Variants in LTK observed in about 807,000 individuals in gnomAD.
LTK encodes leukocyte tyrosine kinase receptor.
LTK carries 117 observed loss-of-function variants against 101.5 expected under a neutral mutation model. The observed-to-expected ratio is 1.15, with a 90% CI of 0.99 to 1.34. The LOEUF is 1.34. Among genes scored for constraint, LTK ranks in the 40% most tolerant of loss-of-function variants. The pLI is 0.00. For missense variants in LTK, 1,252 were observed against 1,164.7 expected, an observed-to-expected ratio of 1.07 and a Z score of -1.09; for synonymous variants, 563 against 494.2, an observed-to-expected ratio of 1.14 and a Z score of -1.85.
Position 41,505,961 on chromosome 15 carries a change from A to G in LTK, c.1586T>C (p.Val529Ala), listed in dbSNP as rs2051266884. The G allele has an allele frequency of 1.2e-6, 2 of 1,613,938 alleles. No individual in the cohort carries two copies. The highest frequency in any genetic ancestry group is 2.7e-5 in the African/African-American group (2 of 74,998). ...GAFGEVYEGLVIGLPGDSSPL... is the reference protein window; with the variant it reads ...GAFGEVYEGLAIGLPGDSSPL... ...ACTGGAGTCCCCAGGAAGGCCAATT[A>G]CCAGTCCCTCATACACCTCCCCAAA... Residue 529 changes from valine (V) to alanine (A), a missense_variant, in exon 12 of 20, where the codon GTA becomes GCA. Transcript: ENST00000263800.
intron 13 of LTK, 52 bp from the exon 14 acceptor site, chr15:41,505,582 G>C (rs754347299): frequency 1.9e-6 from 3 of 1,611,638 alleles, no homozygotes; most frequent in Non-Finnish European, 2.5e-6. Flanking sequence ...CGGAAACCAT[G>C]TTTTAGGCTC....
rs2051544301 is a variant in LTK at position 41,513,046 on chromosome 15, TG to T, written c.117del (p.Ser40AlafsTer20). 2 of 1,612,286 alleles carry T rather than the reference TG, an allele frequency of 1.2e-6. No homozygotes were observed. The highest frequency in any genetic ancestry group is 1.7e-5 in the Admixed American group (1 of 59,536). On this transcript the variant is annotated frameshift_variant, in exon 2 of 20. Coordinates refer to ENST00000263800, the MANE Select transcript of LTK (RefSeq NM_002344.6). LOFTEE classifies it high-confidence loss of function. ...LRSSPLPLAS[P>X]SPRDPKVSAP... is the part of the protein sequence containing the mutation. Reference sequence around the variant, plus strand: ...GCGCTGACTTTCGGGTCCCGGGGGCTGGGACTTGCCAGCGGCAGGGGCGAGG... The same window carrying T: ...GCGCTGACTTTCGGGTCCCGGGGGCTGGACTTGCCAGCGGCAGGGGCGAGG...
Position 41,511,548 on chromosome 15 carries a change from C to A in LTK, c.688G>T (p.Val230Leu), listed in dbSNP as rs763240411. Residue 230 changes from valine to leucine, a missense_variant, in exon 6 of 20, where the codon GTG (valine) becomes TTG (leucine). By Grantham distance (32) the Val-to-Leu change is conservative. Coordinates refer to ENST00000263800, the MANE Select transcript of LTK (RefSeq NM_002344.6). This position sits in a 1 kb window ranked among gnomAD's most constrained non-coding sequence, Gnocchi z 5.9. ...VRAGELEPLL[V>L]AAGGGGRAYL... The stretch of plus-strand genomic sequence containing the variant: ...GCCCGACCGCCGCCTCCGGCCGCCA[C>A]CAGCAACGGTTCCAGCTCGCCAGCG... The A allele has an allele frequency of 2.1e-6, 3 of 1,456,820 alleles. No individual in the cohort carries two copies. The South Asian group carries it at 4.3e-5, about 21-fold the overall frequency. The allele number at this position is 1,456,820 out of a possible 1,614,324, so 90.2% of individuals were successfully genotyped here.
intron 8 of LTK, among the ~76,000 whole-genome samples, chr15:41,508,556 C>G (rs2051358594): frequency 7.5e-6 from 1 of 132,664 alleles, no homozygotes; most frequent in Non-Finnish European, 1.6e-5. Flanking sequence ...GACTCTGTCT[C>G]AAAAATAAAA....
chr15:41,511,177 G>GCCGCCTCCGCCCGCAGTGCAGGCC lies in LTK; in HGVS notation c.960_983dup (p.Ala321_Gly328dup). On this transcript the variant is annotated inframe_insertion, in exon 7 of 20. Transcript: ENST00000263800. This position sits in a 1 kb window ranked among gnomAD's most constrained non-coding sequence, Gnocchi z 5.9. ...CGGTGCACCTACCCCTGTAGCCGCC[G>GCCGCCTCCGCCCGCAGTGCAGGCC]CCGCCTCCGCCCGCAGTGCAGGCCC... The GCCGCCTCCGCCCGCAGTGCAGGCC allele has an allele frequency of 7.1e-7, 1 of 1,402,712 alleles. No homozygotes were observed. Among genetic ancestry groups the GCCGCCTCCGCCCGCAGTGCAGGCC allele is most frequent in the South Asian group, 1.6e-5 (1 of 61,076 alleles). The allele number at this position is 1,402,712 out of a possible 1,614,324, so 86.9% of individuals were successfully genotyped here. A position where few individuals can be genotyped will look rare whatever the true frequency, so the allele number is the denominator to read the frequency against.
At position 41,511,431 on chromosome 15, in the gene LTK, C is replaced by A. The variant is rs972591778; in HGVS notation, c.805G>T (p.Gly269Trp). 7.2e-6 allele frequency: 10 copies of A among 1,392,640 alleles called. No homozygotes were observed. The highest frequency in any genetic ancestry group is 4.8e-5 in the South Asian group (3 of 61,856). 86.3% of individuals were successfully genotyped at this position (1,392,640 alleles called of 1,614,324 possible). The change falls in exon 6 of 20, where the codon GGG (glycine) becomes TGG (tryptophan). Residue 269 changes from glycine (G) to tryptophan (W), a missense_variant. Coordinates refer to ENST00000263800, the MANE Select transcript of LTK (RefSeq NM_002344.6). This position sits in a 1 kb window ranked among gnomAD's most constrained non-coding sequence, Gnocchi z 5.9. ...CGGCCCGCGCCCTCACCTGCCGCCC[C>A]GCCTCTCCCGCCGCTCCCGGGCGCC... ...SEAPGSGGRG[G>W]AAGGGGGWTS...
intron 7 of LTK, among the ~76,000 whole-genome samples, 154 bp from the exon 8 acceptor site, chr15:41,509,283 A>C (rs1262387827): frequency 6.6e-6 from 1 of 152,028 alleles, no homozygotes; most frequent in Non-Finnish European, 1.5e-5. Flanking sequence ...GGAGGTGAGG[A>C]GGGGGTAATC....
chr15:41,513,563 G>A (rs1472936180), intron 1 of LTK, 104 bp downstream of exon 1: 8 of 1,056,448 alleles, frequency 7.6e-6, no homozygotes, highest in Non-Finnish European at 1.2e-5. Flanking sequence ...GAGAGTTCGA[G>A]GCCTCTGGAG....
intron 17 of LTK, 24 bp downstream of exon 17, chr15:41,504,749 A>G (rs1262010942): frequency 6.3e-7 from 1 of 1,599,668 alleles, no homozygotes; most frequent in Admixed American, 1.7e-5. Flanking sequence ...ACAGTGGGGA[A>G]GGGGAGGGGA....
At position 41,507,616 on chromosome 15, in the gene LTK, C is replaced by T. The variant is rs1404998292; in HGVS notation, c.1291G>A (p.Val431Met). 2.5e-6 allele frequency: 4 copies of T among 1,614,004 alleles called. No individual in the cohort carries two copies. Among genetic ancestry groups the T allele is most frequent in the Middle Eastern group, 1.7e-4 (1 of 6,060 alleles). ...AGGCTCAGTGTTGAGGTTGCCACCA[C>T]AGCCACCATCAGAACCAGAGGGCCT... ...PPGPLVLMVA[V>M]VATSTLSLLM... The change falls in exon 10 of 20, where the codon GTG becomes ATG. Residue 431 changes from valine to methionine, a missense_variant. Coordinates refer to ENST00000263800, the MANE Select transcript of LTK (RefSeq NM_002344.6).
At position 41,503,970 on chromosome 15, in the gene LTK, T is replaced by G; in HGVS notation, c.*26A>C. ...TAGGGAGGGACCCTCAGTGCCTCAGTCCTTACCCTCAGGGCCCCTTGGGGC... is the reference window on the plus strand; with the variant it reads ...TAGGGAGGGACCCTCAGTGCCTCAGGCCTTACCCTCAGGGCCCCTTGGGGC... On this transcript the variant is annotated 3_prime_UTR_variant, in exon 20 of 20. Coordinates refer to ENST00000263800, the MANE Select transcript of LTK (RefSeq NM_002344.6). 2 of 1,571,100 alleles carry G rather than the reference T, an allele frequency of 1.3e-6. No homozygotes were observed. Among genetic ancestry groups the G allele is most frequent in the Non-Finnish European group, 8.6e-7 (1 of 1,160,794 alleles).
chr15:41,503,889 G>T lies in LTK; in HGVS notation c.*107C>A. ...GAGACAGGCCCAGACACACAGCACA[G>T]ACTGCAGGGAACAGAGGCCGCTGGC... is the stretch of plus-strand genomic sequence containing the variant. On this transcript the variant is annotated 3_prime_UTR_variant, in exon 20 of 20. Transcript: ENST00000263800. 7.8e-7 allele frequency: 1 copy of T among 1,287,586 alleles called. No homozygotes were observed. Among genetic ancestry groups the T allele is most frequent in the Non-Finnish European group, 1.1e-6 (1 of 949,918 alleles). 79.8% of individuals were successfully genotyped at this position (1,287,586 alleles called of 1,614,324 possible).
Position 41,504,207 on chromosome 15 carries a change from A to G in LTK, c.2384T>C (p.Leu795Pro). The G allele has an allele frequency of 6.2e-7, 1 of 1,612,148 alleles. No homozygotes were observed. The highest frequency in any genetic ancestry group is 1.1e-5 in the South Asian group (1 of 91,000). ...DVLNSLLPME[L>P]GPTPEEEGTS... ...CCCTTCCTCCTCTGGGGTGGGCCCC[A>G]GCTCCATTGGCAGGAGTGAATTCAG... is the stretch of plus-strand genomic sequence containing the variant. Residue 795 changes from leucine (L) to proline (P), a missense_variant, in exon 20 of 20, where the codon CTG (leucine) becomes CCG (proline). Transcript: ENST00000263800.
chr15:41,513,157 C>A, intron 1 of LTK, 37 bp from the exon 2 acceptor site: 2 of 1,546,344 alleles, frequency 1.3e-6, no homozygotes, highest in Non-Finnish European at 1.7e-6. Flanking sequence ...GACGTTAAGG[C>A]GGGTGGAAAT....
At chr15:41,505,133 A>G in intron 15 of LTK, 69 bp from the exon 16 acceptor site, 2 of 1,586,372 alleles carry the variant, frequency 1.3e-6, no homozygotes, top group Admixed American at 3.4e-5. Flanking sequence ...CTATTTCCTT[A>G]AAAGCTGTGT....
At chr15:41,507,423 T>A in intron 10 of LTK, 133 bp from the exon 11 acceptor site, 1 of 1,525,188 alleles carries the variant, frequency 6.6e-7, no homozygotes, top group Admixed American at 2.0e-5. Context: ...CCTTCCTATC[T>A]TAGAATCCCA....
rs1469901329 is a variant in LTK, at chr15:41,505,019, G to T, written c.1971C>A (p.Ser657Arg). ...CAAAGTCCCCAATCTTGGCCACTCG[G>T]CTGGGTCCAGCGCAGCTCAGCAGGC... ...RNCLLSCAGP[S>R]RVAKIGDFGM... The change falls in exon 16 of 20, where the codon AGC becomes AGA. Residue 657 changes from serine (S) to arginine (R), a missense_variant. By Grantham distance (110) the Ser-to-Arg change is moderately radical. Coordinates refer to ENST00000263800, the MANE Select transcript of LTK (RefSeq NM_002344.6). 2 of 1,613,516 alleles carry T rather than the reference G, an allele frequency of 1.2e-6. No homozygotes were observed. The highest frequency in any genetic ancestry group is 4.5e-5 in the East Asian group (2 of 44,876).
chr15:41,505,010 G>C lies in LTK; in HGVS notation c.1980C>G (p.Ala660=). 1 of 1,613,466 alleles carries C rather than the reference G, an allele frequency of 6.2e-7. No individual in the cohort carries two copies. Among genetic ancestry groups the C allele is most frequent in the South Asian group, 1.1e-5 (1 of 91,036 alleles). The change falls in exon 16 of 20, where the codon GCC becomes GCG. Residue 660 remains alanine (A), a synonymous_variant. Transcript: ENST00000263800. ...GTGCCATCCCAAAGTCCCCAATCTT[G>C]GCCACTCGGCTGGGTCCAGCGCAGC... ...LLSCAGPSRV[A]KIGDFGMARD... is the part of the protein sequence containing the mutation.
intron 8 of LTK, 147 bp from the exon 9 acceptor site, chr15:41,508,368 A>G: frequency 1.7e-6 from 1 of 584,468 alleles, no homozygotes; most frequent in African/African-American, 1.9e-5. Context: ...CAGAAGTTCA[A>G]GACCAGCCTG....
Sources: gnomAD v4.1 joint callset for allele counts (sites outside exome capture counted in the v4.1 genomes callset) on GRCh38, gnomAD v4.1.1 for gene constraint, Gnocchi (gnomAD v3.1) non-coding constraint, MANE v1.5 for transcripts, NCBI Gene and HGNC (gene_info 2026-07-23, HGNC 2026-07-21) for gene names.